The following IP6K3 variants were observed in gnomAD, a reference collection of about 807,000 sequenced individuals.
The protein encoded by IP6K3 is ATP:1D-myo-inositol-hexakisphosphate phosphotransferase.
Under a neutral mutation model 28.8 loss-of-function variants are expected in IP6K3, and 20 were observed. That is an observed-to-expected ratio of 0.70 (90% CI 0.49 to 1.01). The LOEUF (loss-of-function observed/expected upper bound fraction) is 1.01. IP6K3 is among the 50% of genes least tolerant of loss of function. IP6K3 has a pLI of 0.00. For synonymous variants in IP6K3, 213 were observed against 221.3 expected, an observed-to-expected ratio of 0.96 and a Z score of 0.33; for missense variants, 480 against 537.1, an observed-to-expected ratio of 0.89 and a Z score of 1.05.
Position 33,722,648 on chromosome 6 carries a change from A to G in IP6K3, c.*72T>C, listed in dbSNP as rs1220002566. ...ATGAAGACATCTAAGGGGTGTCTGG[A>G]CTACCCTAGCAACCAACAGGTCTCT... is the stretch of plus-strand genomic sequence containing the variant. On this transcript the variant is annotated 3_prime_UTR_variant, in exon 6 of 6. Transcript: ENST00000293756. The G allele has an allele frequency of 1.5e-5, 16 of 1,033,408 alleles. No homozygotes were observed. Among genetic ancestry groups the G allele is most frequent in the Non-Finnish European group, 2.9e-6 (2 of 687,524 alleles). 64.0% of individuals were successfully genotyped at this position (1,033,408 alleles called of 1,614,324 possible). A position where few individuals can be genotyped will look rare whatever the true frequency, so the allele number is the denominator to read the frequency against.
chr6:33,738,506 A>G (rs1766607982), intron 1 of IP6K3, among the ~76,000 whole-genome samples: 2 of 150,770 alleles, frequency 1.3e-5, no homozygotes, highest in Admixed American at 1.3e-4. Flanking sequence ...GCCATGTTCT[A>G]GTGCTTTGTA....
chr6:33,749,639 T>C (rs35646598), upstream of IP6K3, among the ~76,000 whole-genome samples: 18,850 of 150,874 alleles, frequency 0.12, 1,518 homozygotes, highest in Middle Eastern at 0.21. Flanking sequence ...AGGCCGTGTG[T>C]GTGTGTGTGC....
At chr6:33,754,337 T>C in the IP6K3 span, among the ~76,000 whole-genome samples, 41 of 152,014 alleles carry the variant, frequency 2.7e-4, no homozygotes, top group Admixed American at 2.6e-3. Flanking sequence ...GGAAGGAAGG[T>C]GCGGGGCTGG....
intron 1 of IP6K3, among the ~76,000 whole-genome samples, chr6:33,737,596 G>A (rs949645997): frequency 6.6e-6 from 1 of 152,198 alleles, no homozygotes; most frequent in Non-Finnish European, 1.5e-5. Context: ...CAGCTCACTC[G>A]GGCATTGAAA....
the IP6K3 span, among the ~76,000 whole-genome samples, chr6:33,752,862 T>G: frequency 6.6e-6 from 1 of 152,270 alleles, no homozygotes; most frequent in Non-Finnish European, 1.5e-5. Flanking sequence ...GTTGTGATGT[T>G]TCCATGATAT....
rs760438340 is a variant in IP6K3 at position 33,722,931 on chromosome 6, CCTGGGGCTCTTT to C, written c.1010_1021del (p.Glu337_Pro340del). 1 of 1,613,910 alleles carries C rather than the reference CCTGGGGCTCTTT, an allele frequency of 6.2e-7. No homozygotes were observed. The highest frequency in any genetic ancestry group is 1.7e-5 in the Admixed American group (1 of 59,996). On this transcript the variant is annotated inframe_deletion, in exon 6 of 6. Coordinates refer to ENST00000293756, the MANE Select transcript of IP6K3 (RefSeq NM_054111.5). ...GGGAGCCTCGTGAGGATGCGGGCTG[CCTGGGGCTCTTT>C]CTGGTGGTTCCTGCCCATCATAGAT...
chr6:33,759,818 A>G, the IP6K3 span, among the ~76,000 whole-genome samples: 1 of 151,816 alleles, frequency 6.6e-6, no homozygotes, highest in African/African-American at 2.4e-5. Context: ...GGTTGTAGTG[A>G]GCCAAGATTG....
intron 5 of IP6K3, among the ~76,000 whole-genome samples, chr6:33,723,987 G>T (rs949264451): frequency 6.6e-6 from 1 of 151,012 alleles, no homozygotes; most frequent in African/African-American, 2.5e-5. Flanking sequence ...CCAGCAGTGG[G>T]CATGGCCGGG....
chr6:33,749,460 A>G (rs1198083336), upstream of IP6K3, among the ~76,000 whole-genome samples: 1 of 151,606 alleles, frequency 6.6e-6, no homozygotes, highest in East Asian at 2.0e-4. Flanking sequence ...TCGTTTCCCC[A>G]AAGCTCAGCT....
chr6:33,759,360 T>A, the IP6K3 span, among the ~76,000 whole-genome samples: 1 of 152,148 alleles, frequency 6.6e-6, no homozygotes, highest in Non-Finnish European at 1.5e-5. Flanking sequence ...CACTGCAACC[T>A]CTGCCTCCCG....
chr6:33,734,439 G>C (rs939750339), intron 2 of IP6K3, among the ~76,000 whole-genome samples: 1 of 152,150 alleles, frequency 6.6e-6, no homozygotes, highest in Non-Finnish European at 1.5e-5. Context: ...GACTTATTTG[G>C]ATATTATTGT....
the IP6K3 span, among the ~76,000 whole-genome samples, chr6:33,761,986 GGCTGGGAGGCTCAGGCACAGAGA>G: frequency 6.6e-6 from 1 of 152,116 alleles, no homozygotes; most frequent in Non-Finnish European, 1.5e-5. Flanking sequence ...TAGCACAGAG[GGCTGGGAGGCTCAGGCACAGAGA>G]GCCTGGTCAG....
At chr6:33,736,834 C>G (rs1401518558) in intron 1 of IP6K3, among the ~76,000 whole-genome samples, 1 of 152,202 alleles carries the variant, frequency 6.6e-6, no homozygotes, top group African/African-American at 2.4e-5. Flanking sequence ...CCTTCTCCCT[C>G]TGTAGAACAG....
the IP6K3 span, among the ~76,000 whole-genome samples, chr6:33,759,572 G>A: frequency 6.6e-6 from 1 of 152,180 alleles, no homozygotes; most frequent in African/African-American, 2.4e-5. Flanking sequence ...AAAAAAAGAA[G>A]GGAGGGGAAG....
chr6:33,742,831 T>C lies in IP6K3; in HGVS notation c.-180+3927A>G, dbSNP rs1232238027. ...AAGAGGTTAGGAGAGGTACTGCTCC[T>C]GGCTGAGATCAGGGTGGTTTGAGGG... is the stretch of plus-strand genomic sequence containing the variant. On this transcript the variant is annotated intron_variant, in intron 1 of 5. Transcript: ENST00000293756. This position sits in a 1 kb window ranked among gnomAD's most constrained non-coding sequence, Gnocchi z 4.5. Among the ~76,000 whole-genome samples the C allele has an allele frequency of 1.3e-5, 2 of 152,168 alleles. No individual in the cohort carries two copies. Among genetic ancestry groups the C allele is most frequent in the African/African-American group, 4.8e-5 (2 of 41,442 alleles).
intron 2 of IP6K3, among the ~76,000 whole-genome samples, chr6:33,729,840 A>G (rs1345767816): frequency 6.6e-6 from 1 of 151,170 alleles, no homozygotes; most frequent in Non-Finnish European, 1.5e-5. Flanking sequence ...CAGCCTTCCG[A>G]GTAGCTTGGA....
rs1766132135 is a variant in IP6K3, at chr6:33,726,805, T to C, written c.515A>G (p.Asn172Ser). The change falls in exon 4 of 6, where the codon AAC becomes AGC. Residue 172 changes from asparagine to serine, a missense_variant. By Grantham distance (46) the Asn-to-Ser change is conservative. Coordinates refer to ENST00000293756, the MANE Select transcript of IP6K3 (RefSeq NM_054111.5). Reference sequence around the variant, plus strand: ...CTGGTGGCATTGCAGGCCCCACGGGTTGAAGCTCTTCCTCTCAACCTGGTT... The same window carrying C: ...CTGGTGGCATTGCAGGCCCCACGGGCTGAAGCTCTTCCTCTCAACCTGGTT... Reference protein sequence around the residue: ...NGNQVERKSFNPWGLQCHQAH... With the variant: ...NGNQVERKSFSPWGLQCHQAH... 1.9e-6 allele frequency: 3 copies of C among 1,612,862 alleles called. No homozygotes were observed. The highest frequency in any genetic ancestry group is 2.5e-6 in the Non-Finnish European group (3 of 1,179,384).
the IP6K3 span, among the ~76,000 whole-genome samples, chr6:33,755,343 C>G: frequency 6.6e-6 from 1 of 152,222 alleles, no homozygotes; most frequent in African/African-American, 2.4e-5. Context: ...GCCTAGAAGG[C>G]GAGAAGCCAG....
chr6:33,761,994 G>T, the IP6K3 span, among the ~76,000 whole-genome samples: 2 of 152,136 alleles, frequency 1.3e-5, no homozygotes, highest in African/African-American at 4.8e-5. Context: ...AGGGCTGGGA[G>T]GCTCAGGCAC....
Sources: allele counts gnomAD v4.1 joint callset (sites outside exome capture counted in the v4.1 genomes callset), GRCh38; gene constraint gnomAD v4.1.1; non-coding constraint Gnocchi (gnomAD v3.1); transcripts MANE v1.5; gene names NCBI Gene and HGNC (gene_info 2026-07-23, HGNC 2026-07-21).